UBL3: variants seen among roughly 807,000 people sequenced by gnomAD.
UBL3 encodes the protein ubiquitin like 3, also known as ubiquitin-like protein 3.
In UBL3, 6 loss-of-function variants were observed where a neutral mutation model predicts 18.4. That is an observed-to-expected ratio of 0.33 (90% CI 0.18 to 0.64). The LOEUF is 0.64. UBL3 is among the 30% of genes least tolerant of loss of function. The pLI, the probability that UBL3 is intolerant of heterozygous loss-of-function variation, is 0.76. For missense variants in UBL3, 109 were observed against 142.9 expected, an observed-to-expected ratio of 0.76 and a Z score of 1.21; for synonymous variants, 49 against 46.6, an observed-to-expected ratio of 1.05 and a Z score of -0.21.
intron 1 of UBL3, among the ~76,000 whole-genome samples, chr13:29,823,421 C>T (rs867562905): frequency 2.0e-5 from 3 of 152,216 alleles, no homozygotes; most frequent in Non-Finnish European, 4.4e-5. Flanking sequence ...GGATTACAGG[C>T]GTGAGCCACT....
chr13:29,833,407 T>G (rs1305310020), intron 1 of UBL3, among the ~76,000 whole-genome samples: 1 of 150,708 alleles, frequency 6.6e-6, no homozygotes, highest in Non-Finnish European at 1.5e-5. Context: ...GCTGCCCAAA[T>G]TAGTGAGGAA....
In UBL3 at chr13:29,777,195, A is replaced by C; in HGVS notation, c.96T>G (p.Ala32=). The C allele has an allele frequency of 6.2e-7, 1 of 1,609,586 alleles. No individual in the cohort carries two copies. The change falls in exon 2 of 5, where the codon GCT becomes GCG. Residue 32 remains alanine, a synonymous_variant. Transcript: ENST00000380680. ...CATATACATGCTTTGCAATGTCAGA[A>C]GCAGAATCGTTAGGAGAAAACAGGA... ...KEFLFSPNDS[A]SDIAKHVYDN...
chr13:29,827,739 G>T (rs906881633), intron 1 of UBL3, among the ~76,000 whole-genome samples: 2 of 152,074 alleles, frequency 1.3e-5, no homozygotes, highest in Middle Eastern at 3.2e-3. Context: ...TAGCTGGTTA[G>T]TTTGCTCATT....
chr13:29,826,209 CATAAA>C (rs1279879869), intron 1 of UBL3, among the ~76,000 whole-genome samples: 1 of 152,182 alleles, frequency 6.6e-6, no homozygotes, highest in African/African-American at 2.4e-5. Flanking sequence ...ATGCTGGCCT[CATAAA>C]ATGAGTTAGG....
At chr13:29,846,864 C>T (rs1346483733) in intron 1 of UBL3, among the ~76,000 whole-genome samples, 1 of 152,186 alleles carries the variant, frequency 6.6e-6, no homozygotes, top group Admixed American at 6.5e-5. Flanking sequence ...GAAAGCTTAA[C>T]ATTTTACTGC....
At chr13:29,817,857 T>C (rs1157761268) in intron 1 of UBL3, among the ~76,000 whole-genome samples, 2 of 152,210 alleles carry the variant, frequency 1.3e-5, no homozygotes, top group African/African-American at 2.4e-5. Context: ...GCTTTCTCTG[T>C]AAGCCAGGAA....
chr13:29,847,876 G>C (rs565711400), intron 1 of UBL3, among the ~76,000 whole-genome samples: 8 of 152,182 alleles, frequency 5.3e-5, no homozygotes, highest in African/African-American at 1.9e-4. Context: ...ACTTAACCAG[G>C]CAGGAGGCTA....
At chr13:29,787,909 G>T (rs935620506) in intron 1 of UBL3, among the ~76,000 whole-genome samples, 1 of 152,186 alleles carries the variant, frequency 6.6e-6, no homozygotes, top group Admixed American at 6.5e-5. Context: ...GGGAGGGTTA[G>T]AGTAGTATAT....
intron 1 of UBL3, among the ~76,000 whole-genome samples, chr13:29,843,298 T>G (rs1330840240): frequency 6.6e-6 from 1 of 152,224 alleles, no homozygotes; most frequent in Non-Finnish European, 1.5e-5. Flanking sequence ...TGTTTTTACT[T>G]TACTATTTTA....
Position 29,765,001 on chromosome 13 carries a change from T to C in UBL3, c.*2254A>G, listed in dbSNP as rs1258651595. The C allele has an allele frequency of 2.6e-5, 4 of 152,208 alleles. No homozygotes were observed. The highest frequency in any genetic ancestry group is 2.0e-4 in the Admixed American group (3 of 15,280). The allele number at this position is 152,208 out of a possible 1,614,324, so 9.4% of individuals were successfully genotyped here. ...CTACTTTTTATTCTTTTTTTTCATA[T>C]TGTACAACTATGATATTAGGTATTA... On this transcript the variant is annotated 3_prime_UTR_variant, in exon 5 of 5. Coordinates refer to ENST00000380680, the MANE Select transcript of UBL3 (RefSeq NM_007106.4).
intron 1 of UBL3, among the ~76,000 whole-genome samples, chr13:29,796,072 G>T (rs74379080): frequency 0.1 from 15,450 of 151,924 alleles, 958 homozygotes; most frequent in African/African-American, 0.17. Context: ...AAGATCTACC[G>T]CAAAGGAAGA....
chr13:29,789,992 A>G (rs1291229851), intron 1 of UBL3, among the ~76,000 whole-genome samples: 1 of 152,198 alleles, frequency 6.6e-6, no homozygotes, highest in Non-Finnish European at 1.5e-5. Context: ...AAAAACACAG[A>G]ATTTAAAAAG....
chr13:29,807,571 G>A (rs1877927605), intron 1 of UBL3, among the ~76,000 whole-genome samples: 1 of 151,878 alleles, frequency 6.6e-6, no homozygotes, highest in Non-Finnish European at 1.5e-5. Context: ...TTTTTATTCA[G>A]TAGTTATTAT....
At chr13:29,784,852 C>CAG (rs1445490357) in intron 1 of UBL3, among the ~76,000 whole-genome samples, 1 of 151,830 alleles carries the variant, frequency 6.6e-6, no homozygotes, top group East Asian at 1.9e-4. Flanking sequence ...CACACACACA[C>CAG]ACAAATAAAT....
chr13:29,806,010 T>C (rs1877888588), intron 1 of UBL3, among the ~76,000 whole-genome samples: 1 of 152,132 alleles, frequency 6.6e-6, no homozygotes, highest in African/African-American at 2.4e-5. Flanking sequence ...ACTCCATTTC[T>C]AATTAAAATA....
intron 1 of UBL3, among the ~76,000 whole-genome samples, chr13:29,814,363 G>C (rs892557253): frequency 6.6e-6 from 1 of 151,766 alleles, no homozygotes; most frequent in Non-Finnish European, 1.5e-5. Context: ...AGAAAATCTA[G>C]AACAAATTAA....
chr13:29,848,778 G>A (rs1032321489), intron 1 of UBL3, among the ~76,000 whole-genome samples: 3 of 152,140 alleles, frequency 2.0e-5, no homozygotes, highest in African/African-American at 7.2e-5. Flanking sequence ...AAAGAAAGGC[G>A]TCAATAAACA....
intron 1 of UBL3, among the ~76,000 whole-genome samples, chr13:29,847,882 G>A (rs528482393): frequency 2.0e-5 from 3 of 152,222 alleles, no homozygotes; most frequent in South Asian, 4.1e-4. Flanking sequence ...CCAGGCAGGA[G>A]GCTATTTCAT....
intron 1 of UBL3, among the ~76,000 whole-genome samples, chr13:29,785,940 T>A (rs1015488562): frequency 2.0e-5 from 3 of 152,194 alleles, no homozygotes; most frequent in Admixed American, 1.3e-4. Context: ...GGGTCTGAGA[T>A]TCCTGAGTAG....
Sources: gnomAD v4.1 joint callset for allele counts (sites outside exome capture counted in the v4.1 genomes callset) on GRCh38, gnomAD v4.1.1 for gene constraint, MANE v1.5 for transcripts, NCBI Gene and HGNC (gene_info 2026-07-23, HGNC 2026-07-21) for gene names.